The following ATE1 variants were observed in gnomAD, a reference collection of about 807,000 sequenced individuals.
ATE1 encodes arginyl-tRNA--protein transferase 1.
ATE1 carries 36 observed loss-of-function variants against 70.5 expected under a neutral mutation model. That is an observed-to-expected ratio of 0.51 (90% confidence interval 0.39 to 0.67). The LOEUF (loss-of-function observed/expected upper bound fraction) is 0.67, where lower values mean the gene tolerates loss of function less well. Among genes scored for constraint, ATE1 ranks in the 30% least tolerant of loss-of-function variants. The pLI is 0.00. For synonymous variants in ATE1, 232 were observed against 219.3 expected, an observed-to-expected ratio of 1.06 and a Z score of -0.51; for missense variants, 593 against 629.5, an observed-to-expected ratio of 0.94 and a Z score of 0.62.
intron 10 of ATE1, among the ~76,000 whole-genome samples, chr10:121,817,683 T>C (rs1486746273): frequency 6.6e-6 from 1 of 152,156 alleles, no homozygotes; most frequent in Non-Finnish European, 1.5e-5. Context: ...AGTATCTTTG[T>C]ATCAAGGAGA....
At chr10:121,832,456 A>G (rs933257165) in intron 10 of ATE1, among the ~76,000 whole-genome samples, 10 of 151,860 alleles carry the variant, frequency 6.6e-5, no homozygotes, top group African/African-American at 2.2e-4. Context: ...CCTAAATCTC[A>G]TCTTGAATTG....
At chr10:121,890,102 T>C (rs1398917119) in intron 7 of ATE1, among the ~76,000 whole-genome samples, 1 of 152,154 alleles carries the variant, frequency 6.6e-6, no homozygotes, top group African/African-American at 2.4e-5. Context: ...TCAACTTTTC[T>C]GTTCAAAAAC....
chr10:121,886,817 G>A (rs1407288593), intron 7 of ATE1, among the ~76,000 whole-genome samples: 1 of 152,104 alleles, frequency 6.6e-6, no homozygotes, highest in Admixed American at 6.6e-5. Context: ...AACTATTAAT[G>A]ACATTAAGTG....
intron 10 of ATE1, among the ~76,000 whole-genome samples, chr10:121,809,220 T>C (rs1422164456): frequency 6.6e-6 from 1 of 152,216 alleles, no homozygotes; most frequent in African/African-American, 2.4e-5. Flanking sequence ...GCTGTTTTCC[T>C]TGAAGTGACA....
chr10:121,911,136 G>C lies in ATE1; in HGVS notation c.353C>G (p.Ser118Cys). 1 of 1,607,658 alleles carries C rather than the reference G, an allele frequency of 6.2e-7. No individual in the cohort carries two copies. The highest frequency in any genetic ancestry group is 8.5e-7 in the Non-Finnish European group (1 of 1,178,760). Residue 118 changes from serine to cysteine, a missense_variant, in exon 5 of 12, where the codon TCC becomes TGC. By Grantham distance (112) the Ser-to-Cys change is moderately radical. This residue lies in a region of ATE1 where 467 missense variants were observed against 469.6 expected (regional missense o/e 0.99). Transcript: ENST00000224652. ...ACCCGCAACAGCATCATCCATTGTG[G>C]AATCCATGGGCTCATCTACAAATCA... ...KGSCEDEPMD[S>C]TMDDAVAGDF... is the part of the protein sequence containing the mutation.
intron 10 of ATE1, among the ~76,000 whole-genome samples, chr10:121,823,513 C>T (rs564108190): frequency 1.9e-4 from 29 of 152,272 alleles, no homozygotes; most frequent in Admixed American, 4.6e-4. Flanking sequence ...CAGTGCAAGA[C>T]AACACACAGA....
intron 10 of ATE1, among the ~76,000 whole-genome samples, chr10:121,794,066 A>G (rs762677304): frequency 6.6e-6 from 1 of 152,210 alleles, no homozygotes; most frequent in Admixed American, 6.5e-5. Context: ...TTTTAAAACA[A>G]TCTTCATTTC....
At position 121,743,761 on chromosome 10, in the gene ATE1, T is replaced by G. The variant is rs1403793760; in HGVS notation, c.1476A>C (p.Pro492=). ...YGVYKKQQKD[P]SEEAAVLQYA... ...ACTGCAGAACAGCAGCCTCCTCACT[T>G]GGGTCTTTCTGCTGTTTCTTATAAA... Residue 492 remains proline (P), a synonymous_variant, in exon 12 of 12, where the codon CCA becomes CCC. Coordinates refer to ENST00000224652, the MANE Select transcript of ATE1 (RefSeq NM_001001976.3). 6.2e-7 allele frequency: 1 copy of G among 1,613,990 alleles called. No individual in the cohort carries two copies. The highest frequency in any genetic ancestry group is 8.5e-7 in the Non-Finnish European group (1 of 1,180,036).
intron 10 of ATE1, among the ~76,000 whole-genome samples, chr10:121,819,811 G>GC (rs1231473763): frequency 4.0e-5 from 6 of 149,064 alleles, no homozygotes; most frequent in East Asian, 2.0e-4. Context: ...GCTGTTCCCC[G>GC]CCCCCCAACA....
chr10:121,852,310 G>T (rs1195682777), intron 8 of ATE1, among the ~76,000 whole-genome samples: 1 of 152,196 alleles, frequency 6.6e-6, no homozygotes. Flanking sequence ...GTAAATAACA[G>T]TTAATGGAGG....
At chr10:121,784,531 T>C (rs1348385712) in intron 11 of ATE1, among the ~76,000 whole-genome samples, 1 of 152,140 alleles carries the variant, frequency 6.6e-6, no homozygotes, top group Non-Finnish European at 1.5e-5. Context: ...TTGTACATAA[T>C]ATATCTTTGA....
Position 121,927,845 on chromosome 10 carries a change from A to G in ATE1, c.105T>C (p.Asn35=), listed in dbSNP as rs776899937. Residue 35 remains asparagine, a splice_region_variant and synonymous_variant, in exon 1 of 12, where the codon AAT becomes AAC. Coordinates refer to ENST00000224652, the MANE Select transcript of ATE1 (RefSeq NM_001001976.3). ...YCKNESGSRS[N]GMWAHSMTVQ... Reference sequence around the variant, plus strand: ...CGCCCGCCGGCCCGGCTCGCTCACCATTGGAGCGGCTGCCCGACTCGTTCT... The same window carrying G: ...CGCCCGCCGGCCCGGCTCGCTCACCGTTGGAGCGGCTGCCCGACTCGTTCT... The G allele has an allele frequency of 8.9e-6, 14 of 1,571,574 alleles. No individual in the cohort carries two copies. The highest frequency in any genetic ancestry group is 1.2e-5 in the Non-Finnish European group (14 of 1,161,484).
chr10:121,907,557 G>A (rs1032672254), intron 5 of ATE1, among the ~76,000 whole-genome samples: 3 of 151,978 alleles, frequency 2.0e-5, no homozygotes, highest in Admixed American at 6.6e-5. Context: ...GATGGATCAC[G>A]AGATCAGGAG....
At chr10:121,911,445 A>AG (rs1478205080) in intron 4 of ATE1, among the ~76,000 whole-genome samples, 2 of 150,478 alleles carry the variant, frequency 1.3e-5, no homozygotes, top group Non-Finnish European at 3.0e-5. Flanking sequence ...AGTAAATTAA[A>AG]AAAAAAAAAA....
intron 8 of ATE1, among the ~76,000 whole-genome samples, chr10:121,856,878 A>G (rs187404282): frequency 6.6e-6 from 1 of 152,348 alleles, no homozygotes; most frequent in East Asian, 1.9e-4. Flanking sequence ...TTGGTTTCTA[A>G]AGAGAATAGT....
chr10:121,823,566 G>A (rs1018341183), intron 10 of ATE1, among the ~76,000 whole-genome samples: 20 of 152,214 alleles, frequency 1.3e-4, no homozygotes, highest in African/African-American at 4.8e-4. Context: ...ATAGTGCCCA[G>A]CAGCCAGAGC....
chr10:121,834,366 T>G (rs1253007278), intron 10 of ATE1, among the ~76,000 whole-genome samples: 1 of 152,130 alleles, frequency 6.6e-6, no homozygotes, highest in Non-Finnish European at 1.5e-5. Context: ...GAATAAACAT[T>G]TCCTGGATGA....
At chr10:121,790,378 G>A in intron 10 of ATE1, 89 bp from the exon 11 acceptor site, 1 of 1,493,234 alleles carries the variant, frequency 6.7e-7, no homozygotes, top group Non-Finnish European at 9.0e-7. Context: ...AAGGTTTAAA[G>A]CAAAAACTTA....
intron 11 of ATE1, among the ~76,000 whole-genome samples, chr10:121,752,137 C>A (rs1944608030): frequency 1.3e-5 from 2 of 148,246 alleles, no homozygotes; most frequent in African/African-American, 5.0e-5. Context: ...GCAGAGCTTG[C>A]AGTGAGCCGA....
Sources: gnomAD v4.1 joint callset for allele counts (sites outside exome capture counted in the v4.1 genomes callset) on GRCh38, gnomAD v4.1.1 for gene constraint, gnomAD v4.1.1 regional missense constraint, MANE v1.5 for transcripts, NCBI Gene and HGNC (gene_info 2026-07-23, HGNC 2026-07-21) for gene names.